The following COPG2 variants were observed in gnomAD, a reference collection of about 807,000 sequenced individuals.
The protein encoded by COPG2 is coatomer subunit gamma-2.
In COPG2, 37 loss-of-function variants were observed where a neutral mutation model predicts 46.3. The ratio of observed to expected loss-of-function variants is 0.80; its 90% confidence interval spans 0.61 to 1.05. The LOEUF (loss-of-function observed/expected upper bound fraction) is 1.05. Among genes scored for constraint, COPG2 ranks in the 50% least tolerant of loss-of-function variants. COPG2 has a pLI of 0.00. For missense variants in COPG2, 427 were observed against 387.8 expected, an observed-to-expected ratio of 1.10 and a Z score of -0.85; for synonymous variants, 159 against 129.7, an observed-to-expected ratio of 1.23 and a Z score of -1.53.
intron 7 of COPG2, 44 bp from the exon 8 acceptor site, chr7:130,612,282 A>C: frequency 1.6e-6 from 2 of 1,225,786 alleles, no homozygotes; most frequent in South Asian, 3.1e-5. Context: ...ATGCTTGGTC[A>C]CTAGAAGCTT....
intron 20 of COPG2, among the ~76,000 whole-genome samples, chr7:130,544,575 A>C (rs1584968523): frequency 1.3e-5 from 2 of 152,314 alleles, no homozygotes. Context: ...AGCAATATAA[A>C]GATTAGAATG....
rs114105147 is a variant in COPG2, at chr7:130,630,531, A to C, written c.324-13466T>G. Among the ~76,000 whole-genome samples, 822 of 152,118 alleles carry C rather than the reference A, an allele frequency of 5.4e-3. 9 individuals carry two copies. Among genetic ancestry groups the C allele is most frequent in the African/African-American group, 0.018 (765 of 41,478 alleles). ...TTGTTCAAATTGTTTTTCCTTAATA[A>C]TTTTTCTGTATACTTGCTCTATGTT... On this transcript the variant is annotated intron_variant, in intron 5 of 23. Transcript: ENST00000425248.
intron 20 of COPG2, among the ~76,000 whole-genome samples, chr7:130,526,199 TG>T (rs1187909684): frequency 1.3e-5 from 2 of 152,030 alleles, no homozygotes; most frequent in Non-Finnish European, 2.9e-5. Flanking sequence ...GGGAAGGCGC[TG>T]GCCTGAATCA....
In COPG2 at chr7:130,572,683, A is replaced by G. The variant is rs146748869; in HGVS notation, c.738-8290T>C. Among the ~76,000 whole-genome samples the G allele has an allele frequency of 2.2e-4, 33 of 152,234 alleles. No individual in the cohort carries two copies. In the East Asian group the frequency reaches 6.2e-3, roughly 28 times the overall value. On this transcript the variant is annotated intron_variant, in intron 9 of 23. Transcript: ENST00000425248. The stretch of plus-strand genomic sequence containing the variant: ...GAAGTTGAATGAAAATGAAAACACA[A>G]CAAATCAAAATGTATAGGGCTCAAC...
intron 1 of COPG2, 81 bp downstream of exon 1, chr7:130,668,551 G>T: frequency 1.5e-6 from 2 of 1,363,884 alleles, no homozygotes; most frequent in East Asian, 3.2e-5. Flanking sequence ...CCCCAGCCCC[G>T]CCGGCCTGAA....
chr7:130,668,331 A>T (rs1260526470), intron 1 of COPG2, among the ~76,000 whole-genome samples: 1 of 150,362 alleles, frequency 6.7e-6, no homozygotes, highest in Non-Finnish European at 1.5e-5. Flanking sequence ...CCCCCGCCGG[A>T]GGCCCGCGCG....
intron 20 of COPG2, chr7:130,508,895 T>C (rs1799548388): frequency 1.8e-6 from 1 of 553,874 alleles, no homozygotes; most frequent in Admixed American, 3.0e-5. Context: ...AATGATAACA[T>C]GGGCAGACTG....
intron 9 of COPG2, among the ~76,000 whole-genome samples, chr7:130,606,315 GAAAA>G (rs1554451239): frequency 1.3e-5 from 2 of 151,088 alleles, no homozygotes; most frequent in South Asian, 2.1e-4. Context: ...GAAAGAAAGA[GAAAA>G]GAAAGAGAAA....
chr7:130,645,380 C>G, intron 5 of COPG2: 1 of 544,282 alleles, frequency 1.8e-6, no homozygotes, highest in South Asian at 1.4e-5. Flanking sequence ...CATCTGCCCT[C>G]CAGGACCGAC....
chr7:130,603,469 C>G (rs1794673706), intron 9 of COPG2, among the ~76,000 whole-genome samples: 1 of 152,038 alleles, frequency 6.6e-6, no homozygotes. Context: ...CCTGTAATCC[C>G]AGCACTTTGG....
At chr7:130,650,648 A>C (rs944273687) in intron 5 of COPG2, among the ~76,000 whole-genome samples, 2 of 152,152 alleles carry the variant, frequency 1.3e-5, no homozygotes, top group Admixed American at 1.3e-4. Flanking sequence ...TTGGGCTATA[A>C]AATACTAAAT....
intron 20 of COPG2, among the ~76,000 whole-genome samples, chr7:130,528,599 C>T (rs1799795779): frequency 1.3e-5 from 2 of 151,760 alleles, no homozygotes; most frequent in Non-Finnish European, 2.9e-5. Flanking sequence ...TGGGACAGTA[C>T]CGTGCTATGC....
At chr7:130,513,234 C>T (rs1243408296) in intron 20 of COPG2, among the ~76,000 whole-genome samples, 8 of 139,484 alleles carry the variant, frequency 5.7e-5, no homozygotes, top group Admixed American at 3.8e-4. Context: ...TGCAGTGAGC[C>T]GAGATCAGGC....
At chr7:130,629,912 C>A (rs913283700) in intron 5 of COPG2, among the ~76,000 whole-genome samples, 2 of 150,408 alleles carry the variant, frequency 1.3e-5, no homozygotes, top group Non-Finnish European at 3.0e-5. Context: ...TTGTTTCTTT[C>A]TTTCCTTTCC....
chr7:130,667,368 ACT>A (rs2116278078), intron 2 of COPG2, 112 bp downstream of exon 2: 1 of 812,340 alleles, frequency 1.2e-6, no homozygotes, highest in African/African-American at 1.7e-5. Flanking sequence ...TATTCCCTAA[ACT>A]CTGTTACGTT....
intron 1 of COPG2, 131 bp from the exon 2 acceptor site, chr7:130,667,665 C>T (rs1796115314): frequency 7.0e-6 from 4 of 570,996 alleles, no homozygotes; most frequent in East Asian, 3.0e-5. Context: ...ATGGCTAATA[C>T]GCATACGAAC....
At chr7:130,610,753 T>A (rs1438337328) in intron 9 of COPG2, 200 bp downstream of exon 9, 1 of 665,258 alleles carries the variant, frequency 1.5e-6, no homozygotes, top group Non-Finnish European at 2.7e-6. Flanking sequence ...CTATTAATAA[T>A]TAAGTACATA....
At chr7:130,587,325 G>GAAAAT (rs1179608585) in intron 9 of COPG2, among the ~76,000 whole-genome samples, 3 of 151,732 alleles carry the variant, frequency 2.0e-5, no homozygotes, top group African/African-American at 7.3e-5. Flanking sequence ...GAAAAGAAAA[G>GAAAAT]AAAAGAAAAA....
rs1554440110 is a variant in COPG2 at position 130,506,690 on chromosome 7, C to G, written c.2602G>C (p.Ala868Pro). The G allele has an allele frequency of 1.3e-6, 1 of 779,860 alleles. No homozygotes were observed. The highest frequency in any genetic ancestry group is 1.3e-5 in the South Asian group (1 of 74,546). The allele number at this position is 779,860 out of a possible 1,614,324, so 48.3% of individuals were successfully genotyped here. A position where few individuals can be genotyped will look rare whatever the true frequency, so the allele number is the denominator to read the frequency against. ...CCAGTAAGCATTTATCCAACAGAAG[C>G]TAAGATAACATCTACAGGTGTTCTC... Reference protein sequence around the residue: ...KERTPVDVILASVG With the variant: ...KERTPVDVILPSVG Residue 868 changes from alanine (A) to proline (P), a missense_variant, in exon 24 of 24, where the codon GCT (alanine) becomes CCT (proline). Ala to Pro is a conservative substitution (Grantham distance 27). Transcript: ENST00000425248.
Sources: allele counts gnomAD v4.1 joint callset (sites outside exome capture counted in the v4.1 genomes callset), GRCh38; gene constraint gnomAD v4.1.1; transcripts MANE v1.5; gene names NCBI Gene and HGNC (gene_info 2026-07-23, HGNC 2026-07-21).